The following RYR2 variants were observed in gnomAD, a reference collection of about 807,000 sequenced individuals.
RYR2 encodes the protein cardiac muscle ryanodine receptor-calcium release channel.
RYR2 carries 227 observed loss-of-function variants against 601.1 expected under a neutral mutation model. That is an observed-to-expected ratio of 0.38 (90% CI 0.34 to 0.42). RYR2 has a LOEUF of 0.42. Among genes scored for constraint, RYR2 ranks in the 10% least tolerant of loss-of-function variants. The pLI, the probability that RYR2 is intolerant of heterozygous loss-of-function variation, is 1.00. For synonymous variants in RYR2, 2,223 were observed against 2,175.1 expected (o/e 1.02, Z -0.61); for missense variants, 4,646 against 6,156.5 (o/e 0.75, Z 8.21).
chr1:237,434,851 C>T (rs957384201), intron 12 of RYR2, among the ~76,000 whole-genome samples: 10 of 152,148 alleles, frequency 6.6e-5, no homozygotes, highest in Non-Finnish European at 1.5e-4. Flanking sequence ...TCTTGGCTCA[C>T]TGCAACCTCC....
At chr1:237,569,013 G>A (rs1672380699) in intron 28 of RYR2, 132 bp from the exon 29 acceptor site, 4 of 657,910 alleles carry the variant, frequency 6.1e-6, no homozygotes, top group Admixed American at 3.1e-5. Context: ...GCAGTAGACC[G>A]ATATGCCAGC....
At chr1:237,068,981 T>C (rs1261198051) in intron 1 of RYR2, among the ~76,000 whole-genome samples, 1 of 152,194 alleles carries the variant, frequency 6.6e-6, no homozygotes, top group Non-Finnish European at 1.5e-5. Context: ...GCAACTCTAG[T>C]AGAATTCCCT....
chr1:237,133,449 A>G (rs1672377583), intron 1 of RYR2, among the ~76,000 whole-genome samples: 1 of 152,200 alleles, frequency 6.6e-6, no homozygotes, highest in Admixed American at 6.5e-5. Flanking sequence ...TATTTTGCTC[A>G]GCTCCAGGTT....
At chr1:237,281,105 T>G (rs1010754935) in intron 2 of RYR2, among the ~76,000 whole-genome samples, 1 of 152,158 alleles carries the variant, frequency 6.6e-6, no homozygotes, top group Non-Finnish European at 1.5e-5. Flanking sequence ...ATTTTTAACA[T>G]GCATTTATGC....
In RYR2 at chr1:237,280,851, C is replaced by T. The variant is rs55649800; in HGVS notation, c.168+10235C>T. On this transcript the variant is annotated intron_variant, in intron 2 of 104. Coordinates refer to ENST00000366574, the MANE Select transcript of RYR2 (RefSeq NM_001035.3). Reference sequence around the variant, plus strand: ...CCGGGCTGGAGTGCAGTGGTGCAATCTCGGCTCACTGCAACCTCCACCTTC... The same window carrying T: ...CCGGGCTGGAGTGCAGTGGTGCAATTTCGGCTCACTGCAACCTCCACCTTC... Among the ~76,000 whole-genome samples the T allele has an allele frequency of 9.6e-3, 1,440 of 150,490 alleles. 30 individuals are homozygous for T. The highest frequency in any genetic ancestry group is 0.032 in the African/African-American group (1,326 of 41,002).
At chr1:237,198,029 T>C (rs1425611396) in intron 1 of RYR2, among the ~76,000 whole-genome samples, 8 of 152,194 alleles carry the variant, frequency 5.3e-5, no homozygotes, top group Admixed American at 1.3e-4. Context: ...GACATATTTT[T>C]GCTAATGAGG....
intron 28 of RYR2, among the ~76,000 whole-genome samples, chr1:237,568,743 C>G (rs1672353732): frequency 6.6e-6 from 1 of 152,078 alleles, no homozygotes; most frequent in South Asian, 2.1e-4. Context: ...TTCCCTAGCT[C>G]ATAATTATTT....
chr1:237,044,971 T>A (rs1042543841), intron 1 of RYR2, among the ~76,000 whole-genome samples: 8 of 143,310 alleles, frequency 5.6e-5, no homozygotes, highest in Non-Finnish European at 9.2e-5. Flanking sequence ...TTTTTTTTTT[T>A]AAAGCAAATA....
At chr1:237,083,204 G>A (rs1456407953) in intron 1 of RYR2, among the ~76,000 whole-genome samples, 1 of 152,132 alleles carries the variant, frequency 6.6e-6, no homozygotes, top group Non-Finnish European at 1.5e-5. Context: ...TGGCAGTTTG[G>A]TGCATGCTTT....
chr1:237,427,424 C>T (rs1257504235), intron 12 of RYR2, among the ~76,000 whole-genome samples: 1 of 151,944 alleles, frequency 6.6e-6, no homozygotes, highest in Non-Finnish European at 1.5e-5. Context: ...ATTATGCTGA[C>T]ATTAAGAGGC....
At chr1:237,645,887 T>A (rs541506800) in intron 48 of RYR2, among the ~76,000 whole-genome samples, 1 of 151,386 alleles carries the variant, frequency 6.6e-6, no homozygotes, top group Non-Finnish European at 1.5e-5. Flanking sequence ...TTTTGCTTTT[T>A]TTTTTTTGAG....
chr1:237,804,016 C>G (rs1168098122), intron 98 of RYR2, among the ~76,000 whole-genome samples: 3 of 152,122 alleles, frequency 2.0e-5, no homozygotes, highest in African/African-American at 7.2e-5. Flanking sequence ...GCTAAACGTG[C>G]CTATTCATCA....
chr1:237,509,076 G>A (rs1372968026), intron 23 of RYR2, among the ~76,000 whole-genome samples: 4 of 151,992 alleles, frequency 2.6e-5, no homozygotes, highest in Non-Finnish European at 4.4e-5. Flanking sequence ...ATACAGTACC[G>A]TGGGGCCTTC....
intron 1 of RYR2, among the ~76,000 whole-genome samples, chr1:237,096,147 C>T (rs906654131): frequency 5.3e-5 from 8 of 152,096 alleles, no homozygotes; most frequent in Non-Finnish European, 2.9e-5. Context: ...GAATAAAAAC[C>T]GGATTGGACA....
At chr1:237,445,363 A>G (rs181315408) in intron 13 of RYR2, 38 bp from the exon 14 acceptor site, 168 of 1,609,670 alleles carry the variant, frequency 1.0e-4, no homozygotes, top group Middle Eastern at 1.7e-4. Context: ...TGGAAAAGAG[A>G]CGTTGGGAGT....
At chr1:237,571,321 T>TC (rs1672668017) in intron 29 of RYR2, among the ~76,000 whole-genome samples, 2 of 150,894 alleles carry the variant, frequency 1.3e-5, no homozygotes, top group South Asian at 4.2e-4. Context: ...TTTTCTTTTT[T>TC]TTTTTTTTTT....
chr1:237,327,293 T>C (rs1195691244), intron 2 of RYR2, among the ~76,000 whole-genome samples: 3 of 152,240 alleles, frequency 2.0e-5, no homozygotes, highest in Non-Finnish European at 2.9e-5. Context: ...CCTTTGAAGA[T>C]TGTTGGCGTG....
chr1:237,091,440 G>A (rs1238889413), intron 1 of RYR2, among the ~76,000 whole-genome samples: 2 of 149,082 alleles, frequency 1.3e-5, no homozygotes, highest in East Asian at 2.0e-4. Flanking sequence ...GGGGGGGCGG[G>A]GGGGGATAGG....
At chr1:237,481,833 A>C (rs988236757) in intron 17 of RYR2, among the ~76,000 whole-genome samples, 10 of 141,666 alleles carry the variant, frequency 7.1e-5, no homozygotes, top group Admixed American at 6.1e-4. Flanking sequence ...AAAAAAAAAA[A>C]AACCACCTCC....
Sources: allele counts gnomAD v4.1 joint callset (sites outside exome capture counted in the v4.1 genomes callset), GRCh38; gene constraint gnomAD v4.1.1; transcripts MANE v1.5; gene names NCBI Gene and HGNC (gene_info 2026-07-23, HGNC 2026-07-21).